The following ZFP36L1 variants were observed in gnomAD, a reference collection of about 807,000 sequenced individuals.
ZFP36L1 encodes the protein ZFP36 like 1 zinc finger CCCH-type.
Under a neutral mutation model 16.7 loss-of-function variants are expected in ZFP36L1, and 4 were observed. The observed-to-expected ratio is 0.24, with a 90% CI of 0.12 to 0.55. The LOEUF (loss-of-function observed/expected upper bound fraction) is 0.55. Ranked by LOEUF, ZFP36L1 falls within the 20% of genes least tolerant of loss-of-function variation. ZFP36L1 has a pLI of 0.94. For synonymous variants in ZFP36L1, 220 were observed against 190.8 expected, an observed-to-expected ratio of 1.15 and a Z score of -1.26; for missense variants, 311 against 449.2, an observed-to-expected ratio of 0.69 and a Z score of 2.78.
rs201457668 is a variant in ZFP36L1, at chr14:68,790,376, G to A, written c.174C>T (p.Pro58=). 823 of 1,613,542 alleles carry A rather than the reference G, an allele frequency of 5.1e-4. 3 individuals are homozygous for A. The highest frequency in any genetic ancestry group is 6.6e-4 in the Middle Eastern group (4 of 6,044). The change falls in exon 2 of 2, where the codon CCC becomes CCT. Residue 58 remains proline (P), a synonymous_variant. Coordinates refer to ENST00000439696, the MANE Select transcript of ZFP36L1 (RefSeq NM_004926.4). The part of the protein sequence containing the change: ...GFPRRHSVTL[P]SSKFHQNQLL... ...GCTGGTTCTGGTGGAACTTGGAGCT[G>A]GGCAGGGTGACTGAGTGCCTCCGAG...
chr14:68,795,900 G>C (rs569090877), upstream of ZFP36L1: 2 of 890,698 alleles, frequency 2.2e-6, no homozygotes, highest in South Asian at 2.5e-5. Flanking sequence ...GAGGGCGGGA[G>C]CCGACCCGCC....
intron 1 of ZFP36L1, among the ~76,000 whole-genome samples, chr14:68,792,130 A>T (rs1895092281): frequency 6.6e-6 from 1 of 151,992 alleles, no homozygotes; most frequent in Admixed American, 6.6e-5. Context: ...GGAGCCCCCC[A>T]TTAAATCCTT....
upstream of ZFP36L1, chr14:68,796,025 C>T: frequency 3.8e-6 from 5 of 1,325,554 alleles, no homozygotes; most frequent in Non-Finnish European, 5.0e-6. Flanking sequence ...CGGTGCATTC[C>T]GCCCTCCCGC....
chr14:68,793,666 T>C (rs17106303), upstream of ZFP36L1: 647 of 985,576 alleles, frequency 6.6e-4, 1 homozygote, highest in East Asian at 9.5e-3. Context: ...CCGACTTCTC[T>C]TCGACACTCG....
rs764108567 is a variant in ZFP36L1, at chr14:68,790,121, C to T, written c.429G>A (p.Glu143=). 1.2e-6 allele frequency: 2 copies of T among 1,610,582 alleles called. No homozygotes were observed. Among genetic ancestry groups the T allele is most frequent in the South Asian group, 2.2e-5 (2 of 90,866 alleles). The part of the protein sequence containing the change: ...DKCQFAHGIH[E]LRSLTRHPKY... ...TGGGGTGGCGGGTCAGGCTGCGGAG[C>T]TCGTGGATGCCGTGTGCGAACTGGC... Residue 143 remains glutamate (E), a synonymous_variant, in exon 2 of 2, where the codon GAG becomes GAA. Coordinates refer to ENST00000439696, the MANE Select transcript of ZFP36L1 (RefSeq NM_004926.4).
chr14:68,795,717 G>A, upstream of ZFP36L1: 1 of 505,936 alleles, frequency 2.0e-6, no homozygotes, highest in South Asian at 1.5e-5. Flanking sequence ...TACCGGCCCC[G>A]CCGACCAAGG....
At chr14:68,791,702 T>G in intron 1 of ZFP36L1, among the ~76,000 whole-genome samples, 1 of 148,952 alleles carries the variant, frequency 6.7e-6, no homozygotes, top group Admixed American at 6.7e-5. Flanking sequence ...AGCGGGAGAG[T>G]CGAGAAAAGA....
At chr14:68,790,974 C>T (rs1895052662) in intron 1 of ZFP36L1, 1 of 688,640 alleles carries the variant, frequency 1.5e-6, no homozygotes, top group African/African-American at 1.8e-5. Context: ...ATACCCCCTC[C>T]TTCAAGACCT....
chr14:68,792,753 C>T (rs938252354), intron 1 of ZFP36L1, 129 bp downstream of exon 1: 6 of 1,325,846 alleles, frequency 4.5e-6, no homozygotes, highest in African/African-American at 4.4e-5. Context: ...GGAGAAATGC[C>T]GGAGGAGAAA....
rs1380644669 is a variant in ZFP36L1, at chr14:68,788,808, A to T, written c.*725T>A. 1 of 152,696 alleles carries T rather than the reference A, an allele frequency of 6.5e-6. No homozygotes were observed. Among genetic ancestry groups the T allele is most frequent in the East Asian group, 1.9e-4 (1 of 5,340 alleles). 9.5% of individuals were successfully genotyped at this position (152,696 alleles called of 1,614,324 possible). A position where few individuals can be genotyped will look rare whatever the true frequency, so the allele number is the denominator to read the frequency against. On this transcript the variant is annotated 3_prime_UTR_variant, in exon 2 of 2. Transcript: ENST00000439696. ...GCTTTTTCAGCCTTCCTTCCTGCAG[A>T]CCTACACAAACCCAGGCAAGATTAG...
chr14:68,787,814 G>A lies in ZFP36L1; in HGVS notation c.*1719C>T, dbSNP rs1396944451. ...GAATAATAATTACATTCATCTTAATGTGTGTGTGCCAGTTCTGTTTACATT... is the reference window on the plus strand; with the variant it reads ...GAATAATAATTACATTCATCTTAATATGTGTGTGCCAGTTCTGTTTACATT... On this transcript the variant is annotated 3_prime_UTR_variant, in exon 2 of 2. Transcript: ENST00000439696. 6.5e-6 allele frequency: 1 copy of A among 152,722 alleles called. No individual in the cohort carries two copies. The highest frequency in any genetic ancestry group is 1.5e-5 in the Non-Finnish European group (1 of 68,038). 9.5% of individuals were successfully genotyped at this position (152,722 alleles called of 1,614,324 possible). A position where few individuals can be genotyped will look rare whatever the true frequency, so the allele number is the denominator to read the frequency against.
At chr14:68,792,192 C>A (rs988667498) in intron 1 of ZFP36L1, among the ~76,000 whole-genome samples, 2 of 151,782 alleles carry the variant, frequency 1.3e-5, no homozygotes, top group South Asian at 2.1e-4. Flanking sequence ...CCTCCCCCCC[C>A]AACCCCGCCC....
intron 1 of ZFP36L1, chr14:68,791,359 A>C: frequency 2.1e-6 from 1 of 465,382 alleles, no homozygotes; most frequent in Non-Finnish European, 3.8e-6. Context: ...CCTCCTAGTC[A>C]ATAGCGGATT....
chr14:68,789,373 G>A lies in ZFP36L1; in HGVS notation c.*160C>T. The A allele has an allele frequency of 7.5e-6, 8 of 1,068,560 alleles. No individual in the cohort carries two copies. The highest frequency in any genetic ancestry group is 1.1e-5 in the Non-Finnish European group (8 of 751,282). The allele number at this position is 1,068,560 out of a possible 1,614,324, so 66.2% of individuals were successfully genotyped here. A position where few individuals can be genotyped will look rare whatever the true frequency, so the allele number is the denominator to read the frequency against. ...CTTATGTTAGGTGGGGTTATGAGGG[G>A]GAGAGGGAGGGCACATTCTGAGGTG... On this transcript the variant is annotated 3_prime_UTR_variant, in exon 2 of 2. Coordinates refer to ENST00000439696, the MANE Select transcript of ZFP36L1 (RefSeq NM_004926.4). This position sits in a 1 kb window ranked among gnomAD's most constrained non-coding sequence, Gnocchi z 4.5.
upstream of ZFP36L1, chr14:68,793,482 C>T (rs1343430995): frequency 1.0e-6 from 1 of 987,440 alleles, no homozygotes; most frequent in Non-Finnish European, 1.2e-6. Flanking sequence ...ATTCCACTCC[C>T]TCCGGGGTTC....
Position 68,792,923 on chromosome 14 carries a change from C to T in ZFP36L1, c.16G>A (p.Val6Met), listed in dbSNP as rs1157203699. The T allele has an allele frequency of 1.2e-6, 2 of 1,613,896 alleles. No individual in the cohort carries two copies. The highest frequency in any genetic ancestry group is 1.7e-5 in the Admixed American group (1 of 60,008). ...CTCAAGTCGAAGATGGTGGCAGACA[C>T]GAGGGTGGTGGTCATCCTGTGCGTT... Reference protein sequence around the residue: MTTTLVSATIFDLSEV... With the variant: MTTTLMSATIFDLSEV... The change falls in exon 1 of 2, where the codon GTG (valine) becomes ATG (methionine). Residue 6 changes from valine (V) to methionine (M), a missense_variant. Physicochemically the swap from Val to Met is conservative, Grantham distance 21 (BLOSUM62 1). Around this residue, in one of 4 missense-constraint regions of ZFP36L1, gnomAD observed 137 missense variants for 142.6 expected, o/e 0.96. Coordinates refer to ENST00000439696, the MANE Select transcript of ZFP36L1 (RefSeq NM_004926.4).
rs948923038 is a variant in ZFP36L1, at chr14:68,789,441, T to C, written c.*92A>G. On this transcript the variant is annotated 3_prime_UTR_variant, in exon 2 of 2. Transcript: ENST00000439696. The surrounding 1 kb of genome is among the most constrained non-coding windows in gnomAD (Gnocchi z 4.5). Reference sequence around the variant, plus strand: ...AGCTTAACCTTGTTAATGTAGGGCCTGTGGGGAATGGGATGGGTAGGGAGA... The same window carrying C: ...AGCTTAACCTTGTTAATGTAGGGCCCGTGGGGAATGGGATGGGTAGGGAGA... 2 of 1,570,510 alleles carry C rather than the reference T, an allele frequency of 1.3e-6. No individual in the cohort carries two copies. Among genetic ancestry groups the C allele is most frequent in the Non-Finnish European group, 1.7e-6 (2 of 1,153,464 alleles).
intron 1 of ZFP36L1, among the ~76,000 whole-genome samples, chr14:68,791,541 T>G (rs2140210589): frequency 6.6e-6 from 1 of 151,080 alleles, no homozygotes; most frequent in Admixed American, 6.6e-5. Flanking sequence ...GTTGGTCCCT[T>G]AGGATCAGCA....
Position 68,791,522 on chromosome 14 carries a change from A to G in ZFP36L1, c.58-1030T>C, listed in dbSNP as rs1895069412. The stretch of plus-strand genomic sequence containing the variant: ...CAGCCCATGTGGGTGTCATTGTGCA[A>G]ATTCTAATGTTGGTCCCTTAGGATC... On this transcript the variant is annotated intron_variant, in intron 1 of 1. Transcript: ENST00000439696. Among the ~76,000 whole-genome samples, 2 of 151,964 alleles carry G rather than the reference A, an allele frequency of 1.3e-5. 1 individual carries two copies. Among genetic ancestry groups the G allele is most frequent in the South Asian group, 4.1e-4 (2 of 4,822 alleles).
Sources: gnomAD v4.1 joint callset for allele counts (sites outside exome capture counted in the v4.1 genomes callset) on GRCh38, gnomAD v4.1.1 for gene constraint, gnomAD v4.1.1 regional missense constraint, Gnocchi (gnomAD v3.1) non-coding constraint, MANE v1.5 for transcripts, NCBI Gene and HGNC (gene_info 2026-07-23, HGNC 2026-07-21) for gene names.